The following ALS2 variants were observed in gnomAD, a reference collection of about 807,000 sequenced individuals.
ALS2 encodes alsin.
ALS2 carries 117 observed loss-of-function variants against 203.4 expected under a neutral mutation model. The ratio of observed to expected loss-of-function variants is 0.58; its 90% CI spans 0.50 to 0.67. The LOEUF (loss-of-function observed/expected upper bound fraction) is 0.67, where lower values mean the gene tolerates loss of function less well. Ranked by LOEUF, ALS2 falls within the 30% of genes least tolerant of loss-of-function variation. The pLI is 0.00. For synonymous variants in ALS2, 718 were observed against 725.9 expected (o/e 0.99, Z 0.17); for missense variants, 1,715 against 1,989.4 (o/e 0.86, Z 2.62).
chr2:201,745,876 G>T (rs1692608420), intron 9 of ALS2, among the ~76,000 whole-genome samples: 1 of 152,164 alleles, frequency 6.6e-6, no homozygotes, highest in African/African-American at 2.4e-5. Flanking sequence ...TTGAACCCAG[G>T]AGGCAGAGGT....
chr2:201,729,485 G>A (rs942110876), intron 13 of ALS2, among the ~76,000 whole-genome samples: 2 of 152,018 alleles, frequency 1.3e-5, no homozygotes, highest in South Asian at 2.1e-4. Flanking sequence ...TTTTGGTCTC[G>A]GGATCCCTTT....
chr2:201,717,504 T>C, intron 24 of ALS2, among the ~76,000 whole-genome samples: 1 of 150,596 alleles, frequency 6.6e-6, no homozygotes. Context: ...GAACACTCTC[T>C]CACACATGGA....
chr2:201,725,496 T>A, intron 19 of ALS2, 42 bp from the exon 20 acceptor site: 1 of 1,485,582 alleles, frequency 6.7e-7, no homozygotes, highest in Non-Finnish European at 9.4e-7. Context: ...GATGCATTTA[T>A]GACATATTCA....
In ALS2 at chr2:201,754,602, C is replaced by G; in HGVS notation, c.1541G>C (p.Ser514Thr). The G allele has an allele frequency of 6.2e-7, 1 of 1,614,182 alleles. No homozygotes were observed. Among genetic ancestry groups the G allele is most frequent in the Non-Finnish European group, 8.5e-7 (1 of 1,180,020 alleles). The change falls in exon 6 of 34, where the codon AGT becomes ACT. Residue 514 changes from serine to threonine, a missense_variant. Coordinates refer to ENST00000264276, the MANE Select transcript of ALS2 (RefSeq NM_020919.4). The part of the protein sequence containing the change: ...TRTVVLTPTY[S>T]GEADALLPSL... Reference sequence around the variant, plus strand: ...AGGCAGGAGCGCATCTGCTTCTCCACTGTATGTGGGGGTCAGAACCACTGT... The same window carrying G: ...AGGCAGGAGCGCATCTGCTTCTCCAGTGTATGTGGGGGTCAGAACCACTGT...
At chr2:201,719,815 A>G (rs1467465702) in intron 23 of ALS2, among the ~76,000 whole-genome samples, 1 of 152,228 alleles carries the variant, frequency 6.6e-6, no homozygotes, top group Non-Finnish European at 1.5e-5. Flanking sequence ...ATACGAAGAC[A>G]GAATGGAATA....
intron 5 of ALS2, among the ~76,000 whole-genome samples, chr2:201,755,388 G>C (rs1186411660): frequency 6.6e-6 from 1 of 152,038 alleles, no homozygotes; most frequent in African/African-American, 2.4e-5. Flanking sequence ...TCAGCCTCCT[G>C]AGTAGCTAGG....
intron 5 of ALS2, among the ~76,000 whole-genome samples, chr2:201,756,978 T>C (rs758406000): frequency 1.2e-4 from 19 of 152,338 alleles, no homozygotes; most frequent in Non-Finnish European, 2.4e-4. Flanking sequence ...CTAAAAAGTT[T>C]ATTGCCTATG....
chr2:201,756,525 T>G (rs200688969), intron 5 of ALS2, among the ~76,000 whole-genome samples: 3 of 10,922 alleles, frequency 2.7e-4, no homozygotes, highest in African/African-American at 9.3e-4. Flanking sequence ...GTTGGTCAAT[T>G]ATAGCCCATG....
At chr2:201,754,439 C>T in intron 6 of ALS2, 64 bp downstream of exon 6, 1 of 1,601,984 alleles carries the variant, frequency 6.2e-7, no homozygotes, top group Non-Finnish European at 8.6e-7. Flanking sequence ...GATTTAGAGA[C>T]CTTCCCAGGA....
chr2:201,705,257 T>C, intron 30 of ALS2, 57 bp from the exon 31 acceptor site: 4 of 1,538,186 alleles, frequency 2.6e-6, no homozygotes, highest in Non-Finnish European at 3.6e-6. Context: ...ACAACAGAAA[T>C]AAATGATACT....
chr2:201,749,612 G>T, intron 8 of ALS2, 100 bp downstream of exon 8: 1 of 1,146,088 alleles, frequency 8.7e-7, no homozygotes, highest in Non-Finnish European at 1.3e-6. Context: ...TAGGTTGTAC[G>T]TATGAAATTC....
chr2:201,738,457 A>G, intron 12 of ALS2: 1 of 562,510 alleles, frequency 1.8e-6, no homozygotes, highest in South Asian at 2.0e-5. Flanking sequence ...ACCTGAGCCT[A>G]GTCATTCAGT....
rs1427288831 is a variant in ALS2 at position 201,706,868 on chromosome 2, G to A, written c.4558C>T (p.Leu1520=). The change falls in exon 29 of 34, where the codon CTG becomes TTG. Residue 1520 remains leucine (L), a synonymous_variant. Transcript: ENST00000264276. ...RLNKQPDIAL[L]GFLGVQRKFW... ...TACCTCTGCACCCCAAGAAAGCCCA[G>A]GAGAGCAATATCTGGCTGCTTATTT... 2 of 1,614,004 alleles carry A rather than the reference G, an allele frequency of 1.2e-6. No individual in the cohort carries two copies. Among genetic ancestry groups the A allele is most frequent in the Non-Finnish European group, 1.7e-6 (2 of 1,179,982 alleles).
chr2:201,727,131 C>T lies in ALS2; in HGVS notation c.2979+81G>A, dbSNP rs543036435. ...CTGTGCATCATTAGTCAAGCAAGAA[C>T]AATTTATATTTCTTCTTTATTACAC... On this transcript the variant is annotated intron_variant, in intron 17 of 33. Coordinates refer to ENST00000264276, the MANE Select transcript of ALS2 (RefSeq NM_020919.4). The T allele has an allele frequency of 2.2e-5, 28 of 1,283,786 alleles. No individual in the cohort carries two copies. In the East Asian group the frequency reaches 6.2e-4, roughly 29 times the overall value. 79.5% of individuals were successfully genotyped at this position (1,283,786 alleles called of 1,614,324 possible). A position where few individuals can be genotyped will look rare whatever the true frequency, so the allele number is the denominator to read the frequency against.
chr2:201,760,303 C>T, intron 4 of ALS2: 5 of 970,910 alleles, frequency 5.1e-6, no homozygotes, highest in Non-Finnish European at 6.1e-6. Context: ...AGAGCAAGAC[C>T]CCATCTCAAA....
At chr2:201,705,884 G>C (rs1040552574) in intron 29 of ALS2, among the ~76,000 whole-genome samples, 3 of 151,962 alleles carry the variant, frequency 2.0e-5, no homozygotes, top group Non-Finnish European at 4.4e-5. Context: ...GGGAGGTGGA[G>C]GTTGCAGCTA....
rs79625706 is a variant in ALS2, at chr2:201,744,600, C to G, written c.1999-171G>C. On this transcript the variant is annotated intron_variant, in intron 9 of 33. Coordinates refer to ENST00000264276, the MANE Select transcript of ALS2 (RefSeq NM_020919.4). ...CTTGAAAATTGGCCATAGTGAAAAT[C>G]TGCAAGCACCACAGACTAGGGTTTT... Among the ~76,000 whole-genome samples the G allele has an allele frequency of 0.014, 2,191 of 152,248 alleles. 48 individuals carry two copies. The highest frequency in any genetic ancestry group is 0.05 in the African/African-American group (2,066 of 41,518).
At chr2:201,732,187 A>G (rs1691599181) in intron 13 of ALS2, among the ~76,000 whole-genome samples, 1 of 152,118 alleles carries the variant, frequency 6.6e-6, no homozygotes, top group Non-Finnish European at 1.5e-5. Context: ...GCCTACATCA[A>G]TCAGTTCCTG....
chr2:201,754,905 G>C lies in ALS2; in HGVS notation c.1472-234C>G, dbSNP rs147450725. ...TCTGCAGAGATTCACACACACATTA[G>C]CACACACTGAAGGTGGTGACAAATC... On this transcript the variant is annotated intron_variant, in intron 5 of 33. Transcript: ENST00000264276. Among the ~76,000 whole-genome samples, 112 of 152,252 alleles carry C rather than the reference G, an allele frequency of 7.4e-4. 1 individual carries two copies. Among genetic ancestry groups the C allele is most frequent in the African/African-American group, 2.7e-3 (112 of 41,518 alleles).
Sources: gnomAD v4.1 joint callset for allele counts (sites outside exome capture counted in the v4.1 genomes callset) on GRCh38, gnomAD v4.1.1 for gene constraint, MANE v1.5 for transcripts, NCBI Gene and HGNC (gene_info 2026-07-23, HGNC 2026-07-21) for gene names.